The following SACS variants were observed in gnomAD, a reference collection of about 807,000 sequenced individuals.
SACS encodes the protein sacsin molecular chaperone.
Under a neutral mutation model 348.0 loss-of-function variants are expected in SACS, and 197 were observed. The observed-to-expected ratio is 0.57, with a 90% CI of 0.50 to 0.64. The LOEUF is 0.64. Among genes scored for constraint, SACS ranks in the 30% least tolerant of loss-of-function variants. The pLI is 0.00. For missense variants in SACS, 4,999 were observed against 5,360.8 expected (o/e 0.93, Z 2.11); for synonymous variants, 1,985 against 1,910.6 (o/e 1.04, Z -1.02).
chr13:23,420,832 T>C (rs1044394008), intron 1 of SACS, among the ~76,000 whole-genome samples: 1 of 152,078 alleles, frequency 6.6e-6, no homozygotes, highest in Non-Finnish European at 1.5e-5. Flanking sequence ...TGGAGTCAAG[T>C]GTCCACTTGA....
At position 23,341,005 on chromosome 13, in the gene SACS, TG is replaced by T. The variant is rs1057516624; in HGVS notation, c.2870del (p.Pro957GlnfsTer10). On this transcript the variant is annotated frameshift_variant, in exon 10 of 10. Transcript: ENST00000382292. LOFTEE classifies it high-confidence loss of function. ...CKVLHHTAKL[P>X]ADLRLSISVI... ...CTGAAATAGAAAGTCGCAGATCTGC[TG>T]GGAGTTTGGCAGTATGGTGTAAGAC... is the stretch of plus-strand genomic sequence containing the variant. 6.2e-7 allele frequency: 1 copy of T among 1,614,150 alleles called. No individual in the cohort carries two copies. The highest frequency in any genetic ancestry group is 1.3e-5 in the African/African-American group (1 of 75,080).
intron 1 of SACS, among the ~76,000 whole-genome samples, chr13:23,431,060 C>G (rs1019179794): frequency 6.6e-6 from 1 of 152,196 alleles, no homozygotes; most frequent in African/African-American, 2.4e-5. Flanking sequence ...TCTACTCTCT[C>G]TTAAGGTTGC....
chr13:23,330,807 T>C lies in SACS; in HGVS notation c.13069A>G (p.Asn4357Asp). 1 of 1,614,104 alleles carries C rather than the reference T, an allele frequency of 6.2e-7. No individual in the cohort carries two copies. Among genetic ancestry groups the C allele is most frequent in the South Asian group, 1.1e-5 (1 of 91,068 alleles). Reference protein sequence around the residue: ...IANEVFKHLQNEINRLEKQAF... With the variant: ...IANEVFKHLQDEINRLEKQAF... The stretch of plus-strand genomic sequence containing the variant: ...TGTTTTTCTAATCTGTTGATTTCAT[T>C]CTGCAAATGTTTAAAAACTTCATTG... Residue 4357 changes from asparagine (N) to aspartate (D), a missense_variant, in exon 10 of 10, where the codon AAT becomes GAT. This residue lies in a region of SACS where 254 missense variants were observed against 275.1 expected (regional missense o/e 0.92). Coordinates refer to ENST00000382292, the MANE Select transcript of SACS (RefSeq NM_014363.6).
chr13:23,389,150 G>T (rs1872426385), intron 2 of SACS, among the ~76,000 whole-genome samples: 1 of 151,756 alleles, frequency 6.6e-6, no homozygotes, highest in Non-Finnish European at 1.5e-5. Flanking sequence ...CTACCATTTA[G>T]CTAAAACATA....
Position 23,352,875 on chromosome 13 carries a change from C to G in SACS, c.2185+910G>C, listed in dbSNP as rs1347172867. On this transcript the variant is annotated intron_variant, in intron 9 of 9. Coordinates refer to ENST00000382292, the MANE Select transcript of SACS (RefSeq NM_014363.6). ...TCACTTTAACTCCAACCTAACTTGC[C>G]TCTCCCATTCCAACTCATTTCACTT... 2.8e-4 allele frequency among the ~76,000 whole-genome samples: 43 copies of G among 152,304 alleles called. 1 individual carries two copies. Among genetic ancestry groups the G allele is most frequent in the Non-Finnish European group, 4.4e-5 (3 of 68,024 alleles).
intron 2 of SACS, among the ~76,000 whole-genome samples, chr13:23,404,572 G>C (rs2137939224): frequency 6.6e-6 from 1 of 152,246 alleles, no homozygotes; most frequent in Admixed American, 6.5e-5. Context: ...GTTCTGGCCA[G>C]GGCAATCAGG....
intron 2 of SACS, among the ~76,000 whole-genome samples, chr13:23,381,766 G>C (rs1192620203): frequency 7.2e-6 from 1 of 139,786 alleles, no homozygotes; most frequent in Non-Finnish European, 1.6e-5. Flanking sequence ...ATTCATTAAA[G>C]GTTTTTTAAA....
At chr13:23,409,354 G>GT (rs542678644) in intron 2 of SACS, among the ~76,000 whole-genome samples, 2,972 of 105,626 alleles carry the variant, frequency 0.028, 131 homozygotes, top group African/African-American at 0.089. Flanking sequence ...CGCGCTGGCC[G>GT]TTTTTTTTTT....
intron 4 of SACS, among the ~76,000 whole-genome samples, chr13:23,368,932 C>T (rs999076717): frequency 3.9e-5 from 6 of 152,136 alleles, no homozygotes; most frequent in Admixed American, 1.3e-4. Flanking sequence ...ATCTCCTGAC[C>T]TCGTGATCCG....
chr13:23,331,409 G>A lies in SACS; in HGVS notation c.12467C>T (p.Pro4156Leu). 1 of 1,614,032 alleles carries A rather than the reference G, an allele frequency of 6.2e-7. No homozygotes were observed. ...SEPSKLELPM[P>L]GTPIPAEIHY... ...AATTTCAGCAGGAATTGGTGTGCCA[G>A]GCATTGGAAGTTCCAGTTTTGATGG... The change falls in exon 10 of 10, where the codon CCT becomes CTT. Residue 4156 changes from proline (P) to leucine (L), a missense_variant. Around this residue, in one of 6 missense-constraint regions of SACS, gnomAD observed 831 missense variants for 941.8 expected, o/e 0.88. Transcript: ENST00000382292.
intron 7 of SACS, among the ~76,000 whole-genome samples, chr13:23,356,840 G>A (rs1299668051): frequency 3.3e-5 from 5 of 152,176 alleles, no homozygotes; most frequent in East Asian, 1.9e-4. Context: ...ACCTACGGTC[G>A]TCAAGCACAG....
At position 23,335,719 on chromosome 13, in the gene SACS, T is replaced by C. The variant is rs983197894; in HGVS notation, c.8157A>G (p.Ser2719=). 5 of 1,613,954 alleles carry C rather than the reference T, an allele frequency of 3.1e-6. No individual in the cohort carries two copies. The Admixed American group carries it at 6.7e-5, about 22-fold the overall frequency. The change falls in exon 10 of 10, where the codon TCA becomes TCG. Residue 2719 remains serine (S), a synonymous_variant. Coordinates refer to ENST00000382292, the MANE Select transcript of SACS (RefSeq NM_014363.6). The surrounding 1 kb of genome is among the most constrained non-coding windows in gnomAD (Gnocchi z 4.7). ...CCAAAAGATTCTGGACCATTCTGTC[T>C]GATGCTGGAACAGACGAAATTTCCG... ...KVSEISSVPA[S]DRMVQNLLDK...
At chr13:23,409,361 T>G (rs111436471) in intron 2 of SACS, among the ~76,000 whole-genome samples, 98 of 143,566 alleles carry the variant, frequency 6.8e-4, no homozygotes, top group East Asian at 1.3e-3. Context: ...GCCGTTTTTT[T>G]TTTTTTTTTT....
Position 23,339,788 on chromosome 13 carries a change from A to C in SACS, c.4088T>G (p.Ile1363Ser). The C allele has an allele frequency of 6.2e-7, 1 of 1,613,886 alleles. No homozygotes were observed. Among genetic ancestry groups the C allele is most frequent in the South Asian group, 1.1e-5 (1 of 91,032 alleles). ...AATCTGATTGCTATACAGCCATCTG[A>C]TAATATTCAACATAAGATGAAGATT... ...KQNLHLMLNI[I>S]RWLYSNQIPA... The change falls in exon 10 of 10, where the codon ATC (isoleucine) becomes AGC (serine). Residue 1363 changes from isoleucine (I) to serine (S), a missense_variant. This residue lies in a region of SACS where 3,156 missense variants were observed against 3,380.1 expected (regional missense o/e 0.93). Transcript: ENST00000382292.
chr13:23,424,968 G>A (rs1426213280), intron 1 of SACS, among the ~76,000 whole-genome samples: 1 of 152,240 alleles, frequency 6.6e-6, no homozygotes, highest in African/African-American at 2.4e-5. Context: ...GGAGCTTTGG[G>A]ATGTGCTTTA....
intron 2 of SACS, among the ~76,000 whole-genome samples, chr13:23,388,487 GTATATATA>G (rs71100176): frequency 7.1e-6 from 1 of 140,186 alleles, no homozygotes. Flanking sequence ...TGGTGTGTGT[GTATATATA>G]TATATATATA....
At chr13:23,400,059 C>A (rs546440733) in intron 2 of SACS, among the ~76,000 whole-genome samples, 1 of 152,156 alleles carries the variant, frequency 6.6e-6, no homozygotes, top group Non-Finnish European at 1.5e-5. Context: ...TTTTGTGTTT[C>A]TTTCCTCTTT....
intron 2 of SACS, among the ~76,000 whole-genome samples, chr13:23,403,812 C>T (rs917422630): frequency 1.3e-5 from 2 of 152,016 alleles, no homozygotes; most frequent in African/African-American, 2.4e-5. Flanking sequence ...GCTCTTGCTT[C>T]TCTAGTTCTT....
rs1234960500 is a variant in SACS at position 23,339,612 on chromosome 13, C to T, written c.4264G>A (p.Val1422Met). 1 of 1,611,436 alleles carries T rather than the reference C, an allele frequency of 6.2e-7. No homozygotes were observed. Among genetic ancestry groups the T allele is most frequent in the Non-Finnish European group, 8.5e-7 (1 of 1,177,952 alleles). The change falls in exon 10 of 10, where the codon GTG becomes ATG. Residue 1422 changes from valine (V) to methionine (M), a missense_variant. Physicochemically the swap from Val to Met is conservative, Grantham distance 21. Coordinates refer to ENST00000382292, the MANE Select transcript of SACS (RefSeq NM_014363.6). ...LEDSVEPIILVHEDIPMKTAE... is the reference protein window; with the variant it reads ...LEDSVEPIILMHEDIPMKTAE... ...GTTTTCATGGGTATGTCCTCATGCA[C>T]CAAAATGATTGGTTCCACAGAATCT... is the stretch of plus-strand genomic sequence containing the variant.
Sources: gnomAD v4.1 joint callset for allele counts (sites outside exome capture counted in the v4.1 genomes callset) on GRCh38, gnomAD v4.1.1 for gene constraint, gnomAD v4.1.1 regional missense constraint, Gnocchi (gnomAD v3.1) non-coding constraint, MANE v1.5 for transcripts, NCBI Gene and HGNC (gene_info 2026-07-23, HGNC 2026-07-21) for gene names.